IL10RA: variants seen among roughly 807,000 people sequenced by gnomAD.
The protein encoded by IL10RA is interleukin-10 receptor subunit alpha.
In IL10RA, 18 loss-of-function variants were observed where a neutral mutation model predicts 29.6. The observed-to-expected ratio is 0.61, with a 90% CI of 0.42 to 0.90. The LOEUF is 0.90. Ranked by LOEUF, IL10RA falls within the 40% of genes least tolerant of loss-of-function variation. IL10RA has a pLI of 0.00. For missense variants in IL10RA, 634 were observed against 716.6 expected, an observed-to-expected ratio of 0.88 and a Z score of 1.32; for synonymous variants, 292 against 294.1, an observed-to-expected ratio of 0.99 and a Z score of 0.07.
At chr11:117,991,422 T>G (rs1304169046) in intron 3 of IL10RA, among the ~76,000 whole-genome samples, 1 of 152,176 alleles carries the variant, frequency 6.6e-6, no homozygotes, top group African/African-American at 2.4e-5. Flanking sequence ...AAATATTATC[T>G]TTCAGCTATT....
In IL10RA at chr11:117,999,865, G is replaced by C; in HGVS notation, c.*224G>C. 1 of 686,624 alleles carries C rather than the reference G, an allele frequency of 1.5e-6. No individual in the cohort carries two copies. Among genetic ancestry groups the C allele is most frequent in the East Asian group, 2.8e-5 (1 of 36,206 alleles). 42.5% of individuals were successfully genotyped at this position (686,624 alleles called of 1,614,324 possible). A position where few individuals can be genotyped will look rare whatever the true frequency, so the allele number is the denominator to read the frequency against. ...CAGGGTATGTGGGTGGCACTGACCTGTTCTGTTGACTGGGGCCCTGCAGAC... is the reference window on the plus strand; with the variant it reads ...CAGGGTATGTGGGTGGCACTGACCTCTTCTGTTGACTGGGGCCCTGCAGAC... On this transcript the variant is annotated 3_prime_UTR_variant, in exon 7 of 7. Coordinates refer to ENST00000227752, the MANE Select transcript of IL10RA (RefSeq NM_001558.4).
In IL10RA at chr11:117,986,814, G is replaced by A. The variant is rs74942348; in HGVS notation, c.67+280G>A. The A allele has an allele frequency of 9.2e-4, 1,392 of 1,507,166 alleles. 7 individuals are homozygous for A. The African/African-American group carries it at 0.013, about 14-fold the overall frequency. The allele number at this position is 1,507,166 out of a possible 1,614,324, so 93.4% of individuals were successfully genotyped here. A position where few individuals can be genotyped will look rare whatever the true frequency, so the allele number is the denominator to read the frequency against. On this transcript the variant is annotated intron_variant, in intron 1 of 6. Transcript: ENST00000227752. ...TCATCCACCCACTTCTAGATGAGCC[G>A]TAAGTTTAGCTCTAGGTTTTTTGCT...
Position 117,999,187 on chromosome 11 carries a change from C to T in IL10RA, c.1283C>T (p.Pro428Leu), listed in dbSNP as rs752519410. ...TCGGCCTTGGGCCACCACAGTCCCC[C>T]GGAGCCTGAGGTGCCTGGGGAAGAA... is the stretch of plus-strand genomic sequence containing the variant. ...GGSALGHHSP[P>L]EPEVPGEEDP... Residue 428 changes from proline (P) to leucine (L), a missense_variant, in exon 7 of 7, where the codon CCG (proline) becomes CTG (leucine). By Grantham distance (98) the Pro-to-Leu change is moderately conservative (BLOSUM62 -3). Transcript: ENST00000227752. The T allele has an allele frequency of 9.5e-5, 153 of 1,614,180 alleles. 1 individual carries two copies. In the East Asian group the frequency reaches 1.3e-3, roughly 13 times the overall value.
intron 6 of IL10RA, among the ~76,000 whole-genome samples, chr11:117,998,471 G>A (rs1277095737): frequency 6.6e-6 from 1 of 152,202 alleles, no homozygotes; most frequent in Non-Finnish European, 1.5e-5. Flanking sequence ...GCAGACCTTG[G>A]TTCTGCCTGT....
At chr11:117,998,564 A>G in intron 6 of IL10RA, 151 bp from the exon 7 acceptor site, 1 of 721,302 alleles carries the variant, frequency 1.4e-6, no homozygotes, top group Non-Finnish European at 2.4e-6. Context: ...GGAAAGCTGG[A>G]TTCGAAAACA....
At chr11:117,987,125 G>A in intron 1 of IL10RA, 1 of 345,540 alleles carries the variant, frequency 2.9e-6, no homozygotes, top group Non-Finnish European at 5.7e-6. Flanking sequence ...CTGCAACTAA[G>A]AAAAGTAAAC....
intron 1 of IL10RA, chr11:117,987,161 G>A: frequency 3.1e-6 from 1 of 324,578 alleles, no homozygotes. Context: ...AAAGAGCCGG[G>A]AGTTGGAAGG....
chr11:117,996,110 A>G (rs961099036), intron 6 of IL10RA, among the ~76,000 whole-genome samples: 2 of 152,220 alleles, frequency 1.3e-5, no homozygotes, highest in African/African-American at 4.8e-5. Context: ...AGAGGGCCAC[A>G]CAGCCAGGAA....
rs760415076 is a variant in IL10RA at position 117,999,795 on chromosome 11, G to T, written c.*154G>T. On this transcript the variant is annotated 3_prime_UTR_variant, in exon 7 of 7. Transcript: ENST00000227752. The stretch of plus-strand genomic sequence containing the variant: ...GCCCCAGCCAGGCCCTGCAGGGCTG[G>T]TCAGGGTGTCTGGGGCAGGAGGAGG... The T allele has an allele frequency of 1.4e-6, 1 of 736,898 alleles. No individual in the cohort carries two copies. Among genetic ancestry groups the T allele is most frequent in the East Asian group, 2.7e-5 (1 of 37,562 alleles). The allele number at this position is 736,898 out of a possible 1,614,324, so 45.6% of individuals were successfully genotyped here.
At chr11:117,988,659 T>C (rs995495689) in intron 2 of IL10RA, among the ~76,000 whole-genome samples, 157 bp downstream of exon 2, 1 of 152,188 alleles carries the variant, frequency 6.6e-6, no homozygotes, top group Non-Finnish European at 1.5e-5. Flanking sequence ...TGAGACTCCC[T>C]TGCTGAGCAA....
chr11:117,988,751 T>TTTTTG (rs965814072), intron 2 of IL10RA, among the ~76,000 whole-genome samples: 28 of 152,074 alleles, frequency 1.8e-4, no homozygotes, highest in African/African-American at 4.6e-4. Flanking sequence ...GCTTTTCTCT[T>TTTTTG]TTTTGTTTTG....
chr11:117,993,898 A>G, intron 4 of IL10RA, 101 bp from the exon 5 acceptor site: 2 of 928,404 alleles, frequency 2.2e-6, no homozygotes, highest in Non-Finnish European at 3.5e-6. Context: ...AAGGATACTG[A>G]AGGGGGTTGG....
chr11:117,999,701 G>A lies in IL10RA; in HGVS notation c.*60G>A, dbSNP rs765786690. ...GCCTGCTCCTCTGCCTGGACCAGGA[G>A]GAGGGCCCCTGGGGCAGAAGTTAGG... On this transcript the variant is annotated 3_prime_UTR_variant, in exon 7 of 7. Transcript: ENST00000227752. 2.0e-6 allele frequency: 3 copies of A among 1,470,284 alleles called. No homozygotes were observed. Among genetic ancestry groups the A allele is most frequent in the South Asian group, 1.1e-5 (1 of 88,212 alleles). 91.1% of individuals were successfully genotyped at this position (1,470,284 alleles called of 1,614,324 possible). A position where few individuals can be genotyped will look rare whatever the true frequency, so the allele number is the denominator to read the frequency against.
chr11:117,998,607 T>C, intron 6 of IL10RA, 108 bp from the exon 7 acceptor site: 3 of 871,222 alleles, frequency 3.4e-6, no homozygotes, highest in Non-Finnish European at 5.8e-6. Flanking sequence ...ATTTAGACTG[T>C]AGTCTCCTCC....
rs765179386 is a variant in IL10RA at position 117,999,416 on chromosome 11, G to A, written c.1512G>A (p.Met504Ile). ...ATTTGAAACAGGATCCTCTAGAAAT[G>A]ACTCTGGCTTCCTCAGGGGCCCCAA... ...KGYLKQDPLE[M>I]TLASSGAPTG... The change falls in exon 7 of 7, where the codon ATG becomes ATA. Residue 504 changes from methionine (M) to isoleucine (I), a missense_variant. Physicochemically the swap from Met to Ile is conservative, Grantham distance 10 (BLOSUM62 1). Transcript: ENST00000227752. The A allele has an allele frequency of 6.8e-6, 11 of 1,614,222 alleles. No individual in the cohort carries two copies. The South Asian group carries it at 1.2e-4, about 18-fold the overall frequency.
chr11:118,001,064 A>T lies in IL10RA; in HGVS notation c.*1423A>T. On this transcript the variant is annotated 3_prime_UTR_variant, in exon 7 of 7. Coordinates refer to ENST00000227752, the MANE Select transcript of IL10RA (RefSeq NM_001558.4). ...GAAAACAGATATTCTGGCCCAGGGAATCCAGCCATGACCCCCACCCCTCTG... is the reference window on the plus strand; with the variant it reads ...GAAAACAGATATTCTGGCCCAGGGATTCCAGCCATGACCCCCACCCCTCTG... 2.2e-6 allele frequency: 1 copy of T among 454,246 alleles called. No individual in the cohort carries two copies. Among genetic ancestry groups the T allele is most frequent in the South Asian group, 1.6e-5 (1 of 64,470 alleles). The allele number at this position is 454,246 out of a possible 1,614,324, so 28.1% of individuals were successfully genotyped here.
chr11:117,986,766 AAACCCCC>A, intron 1 of IL10RA: 1 of 1,530,742 alleles, frequency 6.5e-7, no homozygotes, highest in South Asian at 1.2e-5. Flanking sequence ...GCGCAAGGCC[AAACCCCC>A]AACCCGCAAA....
Position 117,996,308 on chromosome 11 carries a change from G to A in IL10RA, c.810+598G>A, listed in dbSNP as rs78868295. Reference sequence around the variant, plus strand: ...GGATGCTGGCAGGGGACAGGGAGGGGCTCATGGAGGAGGCCAAGCCCTCCT... The same window carrying A: ...GGATGCTGGCAGGGGACAGGGAGGGACTCATGGAGGAGGCCAAGCCCTCCT... On this transcript the variant is annotated intron_variant, in intron 6 of 6. Transcript: ENST00000227752. 2.6e-5 allele frequency among the ~76,000 whole-genome samples: 4 copies of A among 152,246 alleles called. No individual in the cohort carries two copies. In the East Asian group the frequency reaches 7.7e-4, roughly 29 times the overall value.
chr11:117,993,600 C>G (rs568441071), intron 4 of IL10RA, among the ~76,000 whole-genome samples, 190 bp downstream of exon 4: 2 of 152,272 alleles, frequency 1.3e-5, no homozygotes, highest in East Asian at 3.9e-4. Context: ...AGATGCTCCT[C>G]AAAGGAATTG....
Sources: gnomAD v4.1 joint callset for allele counts (sites outside exome capture counted in the v4.1 genomes callset) on GRCh38, gnomAD v4.1.1 for gene constraint, MANE v1.5 for transcripts, NCBI Gene and HGNC (gene_info 2026-07-23, HGNC 2026-07-21) for gene names.